LRTM3: variants seen among roughly 807,000 people sequenced by gnomAD.
LRTM3 encodes the protein leucine rich repeat transmembrane protein 3.
chr13:102,740,635 A>G, the LRTM3 span: 3 of 1,548,688 alleles, frequency 1.9e-6, no homozygotes, highest in South Asian at 2.4e-5. Flanking sequence ...AATAGTCATA[A>G]TGTGGAATAT....
chr13:102,742,690 C>A, the LRTM3 span: 1 of 1,550,708 alleles, frequency 6.4e-7, no homozygotes, highest in Non-Finnish European at 8.7e-7. Context: ...CTGCTGATTG[C>A]TTTGCCTGCA....
the LRTM3 span, chr13:102,735,542 C>A: frequency 6.4e-7 from 1 of 1,550,838 alleles, no homozygotes; most frequent in Non-Finnish European, 8.7e-7. Context: ...TTGTTCTTTA[C>A]TTTTCCACTG....
the LRTM3 span, chr13:102,731,214 T>C: frequency 2.0e-5 from 31 of 1,551,328 alleles, no homozygotes; most frequent in Non-Finnish European, 2.5e-5. Context: ...AGTGTCTTCA[T>C]ATTGCTGGCA....
the LRTM3 span, chr13:102,746,962 A>T: frequency 6.4e-7 from 1 of 1,551,002 alleles, no homozygotes; most frequent in South Asian, 1.2e-5. Flanking sequence ...ACTCAATAAT[A>T]GTTTCTGTGA....
At chr13:102,731,958 C>A in the LRTM3 span, 3 of 1,551,220 alleles carry the variant, frequency 1.9e-6, no homozygotes, top group Non-Finnish European at 2.6e-6. Flanking sequence ...TGCTCTGGAA[C>A]AATCCGTTCT....
chr13:102,735,954 C>T, the LRTM3 span: 1 of 1,547,526 alleles, frequency 6.5e-7, no homozygotes. Flanking sequence ...TAGTTCTTTC[C>T]ATTGCATAGA....
the LRTM3 span, chr13:102,737,497 A>G: frequency 2.6e-6 from 4 of 1,549,540 alleles, no homozygotes; most frequent in East Asian, 4.9e-5. Context: ...CAGTTTCTCC[A>G]TCCCTGTTCC....
chr13:102,743,978 C>A, the LRTM3 span: 2 of 1,550,282 alleles, frequency 1.3e-6, no homozygotes, highest in African/African-American at 1.4e-5. Flanking sequence ...CAGATTTTGT[C>A]GGCGTGTTCT....
chr13:102,748,585 A>C, the LRTM3 span: 3 of 1,550,750 alleles, frequency 1.9e-6, no homozygotes, highest in Non-Finnish European at 2.6e-6. Context: ...CCATTTCAGG[A>C]GAGGAAACAA....
the LRTM3 span, chr13:102,747,703 G>A: frequency 6.1e-4 from 942 of 1,551,038 alleles, 4 homozygotes; most frequent in Admixed American, 4.2e-3. Context: ...TTGGATCTCC[G>A]GCACTCTCTC....
the LRTM3 span, chr13:102,747,881 A>T: frequency 6.4e-7 from 1 of 1,551,274 alleles, no homozygotes; most frequent in Non-Finnish European, 8.7e-7. Context: ...TTCCATTTGG[A>T]ATTTGACATA....
the LRTM3 span, chr13:102,758,854 A>G: frequency 3.9e-6 from 6 of 1,550,588 alleles, no homozygotes; most frequent in Non-Finnish European, 5.2e-6. Context: ...GACTCTAGAA[A>G]GTCCCATAAT....
At chr13:102,746,779 A>G in the LRTM3 span, 2 of 1,551,174 alleles carry the variant, frequency 1.3e-6, no homozygotes, top group Non-Finnish European at 8.7e-7. Flanking sequence ...TATCACTTCC[A>G]TTACTTGGAA....
the LRTM3 span, chr13:102,740,042 T>C: frequency 3.2e-6 from 5 of 1,550,238 alleles, no homozygotes; most frequent in Non-Finnish European, 2.6e-6. Flanking sequence ...TCCTTTACTT[T>C]CTTGCAAAAT....
At chr13:102,742,200 G>GGA in the LRTM3 span, 1 of 1,550,526 alleles carries the variant, frequency 6.4e-7, no homozygotes, top group Non-Finnish European at 8.7e-7. Flanking sequence ...TTCTGCTGCT[G>GGA]GATGTTACCT....
the LRTM3 span, chr13:102,746,091 C>A: frequency 6.4e-7 from 1 of 1,550,950 alleles, no homozygotes; most frequent in African/African-American, 1.4e-5. Context: ...AGTTCTTCAG[C>A]TTCTAAAGGA....
chr13:102,746,937 T>A, the LRTM3 span: 1 of 1,551,240 alleles, frequency 6.4e-7, no homozygotes. Context: ...AGTTCCATTA[T>A]GGGAGAAACA....
the LRTM3 span, chr13:102,747,638 G>A: frequency 1.3e-6 from 2 of 1,551,114 alleles, no homozygotes; most frequent in Non-Finnish European, 1.7e-6. Context: ...ATACTCTGTT[G>A]TTTCAATTAA....
the LRTM3 span, chr13:102,758,356 C>G: frequency 7.7e-7 from 1 of 1,296,736 alleles, no homozygotes; most frequent in Non-Finnish European, 1.1e-6. Context: ...TTGAATAGAA[C>G]ACAACCAACC....
Sources: allele counts gnomAD v4.1 joint callset, GRCh38; gene constraint gnomAD v4.1.1; transcripts MANE v1.5; gene names NCBI Gene and HGNC (gene_info 2026-07-23, HGNC 2026-07-21).